Variants in ZNF460 observed in about 807,000 individuals in gnomAD.
The protein encoded by ZNF460 is zinc finger protein 272.
ZNF460 carries 1 observed loss-of-function variant against 8.4 expected under a neutral mutation model. The observed-to-expected ratio is 0.12, with a 90% CI of 0.04 to 0.56. The LOEUF is 0.56. Among genes scored for constraint, ZNF460 ranks in the 20% least tolerant of loss-of-function variants. The pLI is 0.91. For synonymous variants in ZNF460, 262 were observed against 259.9 expected, an observed-to-expected ratio of 1.01 and a Z score of -0.08; for missense variants, 477 against 714.8, an observed-to-expected ratio of 0.67 and a Z score of 3.79.
chr19:57,290,876 A>G lies in ZNF460; in HGVS notation c.335A>G (p.Asp112Gly). ...MQEYFLRPGT[D>G]PQSEKLHGKM... ...GAATACTTTTTGAGACCAGGGACAG[A>G]CCCACAGAGTGAGAAACTCCATGGG... Residue 112 changes from aspartate (D) to glycine (G), a missense_variant, in exon 3 of 3, where the codon GAC becomes GGC. Around this residue, in one of 5 missense-constraint regions of ZNF460, gnomAD observed 169 missense variants for 178.6 expected, o/e 0.95. Transcript: ENST00000360338. 1 of 1,614,142 alleles carries G rather than the reference A, an allele frequency of 6.2e-7. No homozygotes were observed. Among genetic ancestry groups the G allele is most frequent in the African/African-American group, 1.3e-5 (1 of 75,024 alleles).
At chr19:57,287,279 A>C (rs1007879737) in intron 2 of ZNF460, among the ~76,000 whole-genome samples, 8 of 152,258 alleles carry the variant, frequency 5.3e-5, no homozygotes, top group African/African-American at 1.9e-4. Flanking sequence ...ATTGTATGTG[A>C]AACTGCCATC....
chr19:57,288,382 T>C (rs1041854529), intron 2 of ZNF460, among the ~76,000 whole-genome samples: 1 of 152,144 alleles, frequency 6.6e-6, no homozygotes, highest in African/African-American at 2.4e-5. Context: ...TTTGTAGAGA[T>C]GGGATATTGC....
In ZNF460 at chr19:57,293,057, C is replaced by A. The variant is rs947923527; in HGVS notation, c.*827C>A. On this transcript the variant is annotated 3_prime_UTR_variant, in exon 3 of 3. Transcript: ENST00000360338. ...ATCTGGATCTACTTGTCAATTTCTTCTTTATTTTTCTGTAGGATGGAGATG... is the reference window on the plus strand; with the variant it reads ...ATCTGGATCTACTTGTCAATTTCTTATTTATTTTTCTGTAGGATGGAGATG... 4 of 152,130 alleles carry A rather than the reference C, an allele frequency of 2.6e-5. No individual in the cohort carries two copies. The highest frequency in any genetic ancestry group is 2.6e-4 in the Admixed American group (4 of 15,264). 9.4% of individuals were successfully genotyped at this position (152,130 alleles called of 1,614,324 possible). A position where few individuals can be genotyped will look rare whatever the true frequency, so the allele number is the denominator to read the frequency against.
At chr19:57,281,919 C>T (rs2087843492) in intron 1 of ZNF460, 1 of 152,202 alleles carries the variant, frequency 6.6e-6, no homozygotes, top group African/African-American at 2.4e-5. Flanking sequence ...AATTACCTGC[C>T]TTACATCACT....
In ZNF460 at chr19:57,291,883, T is replaced by C; in HGVS notation, c.1342T>C (p.Tyr448His). 6.2e-7 allele frequency: 1 copy of C among 1,614,020 alleles called. No homozygotes were observed. Among genetic ancestry groups the C allele is most frequent in the East Asian group, 2.2e-5 (1 of 44,880 alleles). The change falls in exon 3 of 3, where the codon TAT becomes CAT. Residue 448 changes from tyrosine to histidine, a missense_variant. By Grantham distance (83) the Tyr-to-His change is moderately conservative (BLOSUM62 2). Around this residue, in one of 5 missense-constraint regions of ZNF460, gnomAD observed 193 missense variants for 391.7 expected, o/e 0.49. Transcript: ENST00000360338. This position sits in a 1 kb window ranked among gnomAD's most constrained non-coding sequence, Gnocchi z 8.4. ...HQWIHTGEKP[Y>H]VCIQCGKAFC... is the part of the protein sequence containing the mutation. ...GTGGATTCATACTGGAGAGAAGCCG[T>C]ATGTATGCATCCAATGTGGGAAAGC...
At chr19:57,281,722 C>A (rs903670047) in intron 1 of ZNF460, among the ~76,000 whole-genome samples, 2 of 151,848 alleles carry the variant, frequency 1.3e-5, no homozygotes, top group Admixed American at 6.6e-5. Context: ...TGCGCCACCA[C>A]GCCTGGCTAA....
At position 57,292,027 on chromosome 19, in the gene ZNF460, C is replaced by T. The variant is rs775435390; in HGVS notation, c.1486C>T (p.Arg496Trp). ...NRRSPLTRHQ[R>W]IHTAEKSHEP... Reference sequence around the variant, plus strand: ...CAGGTCACCCCTCACAAGGCACCAGCGGATTCACACTGCAGAGAAGTCCCA... The same window carrying T: ...CAGGTCACCCCTCACAAGGCACCAGTGGATTCACACTGCAGAGAAGTCCCA... Residue 496 changes from arginine to tryptophan, a missense_variant, in exon 3 of 3, where the codon CGG becomes TGG. Arg to Trp is a moderately radical substitution (Grantham distance 101, BLOSUM62 -3). Transcript: ENST00000360338. 3.1e-6 allele frequency: 5 copies of T among 1,614,176 alleles called. No homozygotes were observed. Among genetic ancestry groups the T allele is most frequent in the South Asian group, 1.1e-5 (1 of 91,080 alleles).
At position 57,291,521 on chromosome 19, in the gene ZNF460, T is replaced by G. The variant is rs759617632; in HGVS notation, c.980T>G (p.Phe327Cys). Residue 327 changes from phenylalanine (F) to cysteine (C), a missense_variant, in exon 3 of 3, where the codon TTC becomes TGC. By Grantham distance (205) the Phe-to-Cys change is radical (BLOSUM62 -2). Coordinates refer to ENST00000360338, the MANE Select transcript of ZNF460 (RefSeq NM_006635.4). This position sits in a 1 kb window ranked among gnomAD's most constrained non-coding sequence, Gnocchi z 8.4. Reference protein sequence around the residue: ...FYESTALIQHFIIHTGERPFK... With the variant: ...FYESTALIQHCIIHTGERPFK... Reference sequence around the variant, plus strand: ...GAGAGTACAGCCCTCATTCAACACTTCATTATCCATACTGGGGAGAGGCCC... The same window carrying G: ...GAGAGTACAGCCCTCATTCAACACTGCATTATCCATACTGGGGAGAGGCCC... 6.2e-7 allele frequency: 1 copy of G among 1,611,006 alleles called. No individual in the cohort carries two copies. The highest frequency in any genetic ancestry group is 1.7e-5 in the Admixed American group (1 of 59,720).
At position 57,292,082 on chromosome 19, in the gene ZNF460, G is replaced by C. The variant is rs1214872764; in HGVS notation, c.1541G>C (p.Cys514Ser). Reference sequence around the variant, plus strand: ...CCCATCCAGAGTGGGAACGTTTCTTGTGAGAGCACAGATCTCATTCAACAC... The same window carrying C: ...CCCATCCAGAGTGGGAACGTTTCTTCTGAGAGCACAGATCTCATTCAACAC... ...HEPIQSGNVS[C>S]ESTDLIQHSI... Residue 514 changes from cysteine (C) to serine (S), a missense_variant, in exon 3 of 3, where the codon TGT becomes TCT. Cys to Ser is a moderately radical substitution (Grantham distance 112). Around this residue, in one of 5 missense-constraint regions of ZNF460, gnomAD observed 83 missense variants for 82.3 expected, o/e 1.01. Transcript: ENST00000360338. The C allele has an allele frequency of 1.2e-6, 2 of 1,614,072 alleles. No homozygotes were observed. The highest frequency in any genetic ancestry group is 2.7e-5 in the African/African-American group (2 of 74,926).
chr19:57,280,432 G>T (rs1432533265), upstream of ZNF460: 3 of 273,302 alleles, frequency 1.1e-5, no homozygotes. Flanking sequence ...GGCGGCGGAG[G>T]CGGGACTTCC....
intron 2 of ZNF460, among the ~76,000 whole-genome samples, chr19:57,288,979 G>A (rs1165847194): frequency 6.6e-6 from 1 of 150,992 alleles, no homozygotes; most frequent in South Asian, 2.1e-4. Context: ...CGAGTAGCCA[G>A]GATTACAGGC....
intron 2 of ZNF460, among the ~76,000 whole-genome samples, chr19:57,288,399 G>T (rs897416167): frequency 6.6e-6 from 1 of 152,054 alleles, no homozygotes; most frequent in Non-Finnish European, 1.5e-5. Context: ...TTGCTATATT[G>T]CCCAGGCTAC....
chr19:57,288,004 C>CA lies in ZNF460; in HGVS notation c.158-2687dup, dbSNP rs918322683. ...ACCCCATCTCAAAAAAACAAACAAA[C>CA]AAAAAAAACCATCATTTCATTTTAC... On this transcript the variant is annotated intron_variant, in intron 2 of 2. Transcript: ENST00000360338. Among the ~76,000 whole-genome samples the CA allele has an allele frequency of 2.0e-3, 305 of 150,836 alleles. 3 individuals are homozygous for CA. Among genetic ancestry groups the CA allele is most frequent in the African/African-American group, 7.2e-3 (291 of 40,582 alleles).
chr19:57,291,405 C>T lies in ZNF460; in HGVS notation c.864C>T (p.Ala288=), dbSNP rs1600029683. ...TTGTGTGCAATGAATGTGGAAAGGC[C>T]TTTACCTACCGCTCCAATTTTGTCT... ...KPFVCNECGK[A]FTYRSNFVLH... The change falls in exon 3 of 3, where the codon GCC becomes GCT. Residue 288 remains alanine (A), a synonymous_variant. Transcript: ENST00000360338. This position sits in a 1 kb window ranked among gnomAD's most constrained non-coding sequence, Gnocchi z 8.4. 6.2e-7 allele frequency: 1 copy of T among 1,614,014 alleles called. No homozygotes were observed. The highest frequency in any genetic ancestry group is 8.5e-7 in the Non-Finnish European group (1 of 1,179,932).
chr19:57,292,292 A>G lies in ZNF460; in HGVS notation c.*62A>G. The G allele has an allele frequency of 6.7e-7, 1 of 1,499,340 alleles. No individual in the cohort carries two copies. The highest frequency in any genetic ancestry group is 9.0e-7 in the Non-Finnish European group (1 of 1,115,292). 92.9% of individuals were successfully genotyped at this position (1,499,340 alleles called of 1,614,324 possible). On this transcript the variant is annotated 3_prime_UTR_variant, in exon 3 of 3. Transcript: ENST00000360338. ...ACATCCAAGAATTCCTATTAGCGAAATAGTTTTTTAATATAACCACTGAAG... is the reference window on the plus strand; with the variant it reads ...ACATCCAAGAATTCCTATTAGCGAAGTAGTTTTTTAATATAACCACTGAAG...
chr19:57,289,352 T>G (rs1242557488), intron 2 of ZNF460, among the ~76,000 whole-genome samples: 1 of 152,178 alleles, frequency 6.6e-6, no homozygotes. Flanking sequence ...TGAATCCTGA[T>G]CAACCTTAAC....
At chr19:57,283,261 C>T (rs1000115705) in intron 1 of ZNF460, among the ~76,000 whole-genome samples, 12 of 151,712 alleles carry the variant, frequency 7.9e-5, no homozygotes, top group African/African-American at 2.4e-4. Context: ...CCATCGCCTC[C>T]GACGTTCAAG....
Position 57,292,328 on chromosome 19 carries a change from G to T in ZNF460, c.*98G>T. On this transcript the variant is annotated 3_prime_UTR_variant, in exon 3 of 3. Transcript: ENST00000360338. ...ATATAACCACTGAAGAAAATCTGTG[G>T]TGAGAGGAAACATCTTACCATCTGG... The T allele has an allele frequency of 1.6e-6, 2 of 1,288,650 alleles. No individual in the cohort carries two copies. Among genetic ancestry groups the T allele is most frequent in the Non-Finnish European group, 2.1e-6 (2 of 936,146 alleles). The allele number at this position is 1,288,650 out of a possible 1,614,324, so 79.8% of individuals were successfully genotyped here. A position where few individuals can be genotyped will look rare whatever the true frequency, so the allele number is the denominator to read the frequency against.
At position 57,284,216 on chromosome 19, in the gene ZNF460, A is replaced by T. The variant is rs7245744; in HGVS notation, c.31-335A>T. Among the ~76,000 whole-genome samples the T allele has an allele frequency of 2.1e-3, 228 of 110,436 alleles. 2 individuals are homozygous for T. The highest frequency in any genetic ancestry group is 7.9e-3 in the East Asian group (37 of 4,692). 72.5% of individuals were successfully genotyped at this position (110,436 alleles called of 152,430 possible). On this transcript the variant is annotated intron_variant, in intron 1 of 2. Coordinates refer to ENST00000360338, the MANE Select transcript of ZNF460 (RefSeq NM_006635.4). Reference sequence around the variant, plus strand: ...GCTTTATTTATTTATTTATTTATTTATTTTTTATTTATTTATTTATTTTTT... The same window carrying T: ...GCTTTATTTATTTATTTATTTATTTTTTTTTTATTTATTTATTTATTTTTT...
Sources: allele counts gnomAD v4.1 joint callset (sites outside exome capture counted in the v4.1 genomes callset), GRCh38; gene constraint gnomAD v4.1.1; regional missense constraint gnomAD v4.1.1; non-coding constraint Gnocchi (gnomAD v3.1); transcripts MANE v1.5; gene names NCBI Gene and HGNC (gene_info 2026-07-23, HGNC 2026-07-21).